The following UBAC2 variants were observed in gnomAD, a reference collection of about 807,000 sequenced individuals.
UBAC2 encodes the protein ubiquitin-associated domain-containing protein 2.
In UBAC2, 26 loss-of-function variants were observed where a neutral mutation model predicts 44.0. That is an observed-to-expected ratio of 0.59 (90% CI 0.43 to 0.82). The LOEUF (loss-of-function observed/expected upper bound fraction) is 0.82, where lower values mean the gene tolerates loss of function less well. UBAC2 is among the 40% of genes least tolerant of loss of function. UBAC2 has a pLI of 0.00. For synonymous variants in UBAC2, 155 were observed against 154.3 expected (o/e 1.00, Z -0.04); for missense variants, 329 against 419.4 (o/e 0.78, Z 1.88).
chr13:99,334,126 ATTC>A (rs1288452391), intron 6 of UBAC2, among the ~76,000 whole-genome samples: 1 of 151,706 alleles, frequency 6.6e-6, no homozygotes, highest in East Asian at 1.9e-4. Context: ...CTTTTTATTT[ATTC>A]TTATTTTTTT....
intron 4 of UBAC2, chr13:99,261,660 A>G (rs1594063956): frequency 6.6e-6 from 1 of 152,316 alleles, no homozygotes; most frequent in Non-Finnish European, 1.5e-5. Flanking sequence ...CTAACCATAT[A>G]TAAGTGATGG....
intron 4 of UBAC2, among the ~76,000 whole-genome samples, chr13:99,246,406 A>C (rs1244973500): frequency 6.6e-6 from 1 of 152,260 alleles, no homozygotes; most frequent in Non-Finnish European, 1.5e-5. Context: ...ACATTGACTC[A>C]GGAAAGCAGC....
chr13:99,313,279 C>T (rs9517679), intron 4 of UBAC2: 38,171 of 152,276 alleles, frequency 0.25, 5,982 homozygotes, highest in Non-Finnish European at 0.34. Context: ...ACACTACGCC[C>T]GGCCGGAAGG....
intron 7 of UBAC2, among the ~76,000 whole-genome samples, chr13:99,360,525 C>G (rs1476905156): frequency 6.6e-6 from 1 of 152,236 alleles, no homozygotes; most frequent in Non-Finnish European, 1.5e-5. Flanking sequence ...GCTCTAGAGA[C>G]TGTTCTTAAC....
chr13:99,385,135 CT>C (rs2045603656), intron 8 of UBAC2, 92 bp from the exon 9 acceptor site: 7 of 945,418 alleles, frequency 7.4e-6, no homozygotes, highest in African/African-American at 1.6e-5. Flanking sequence ...CAGTTTTGAC[CT>C]TTGCCACAAG....
intron 6 of UBAC2, among the ~76,000 whole-genome samples, chr13:99,321,748 C>A (rs750019559): frequency 2.6e-5 from 4 of 152,024 alleles, no homozygotes; most frequent in Non-Finnish European, 4.4e-5. Context: ...GTAAGTTGAC[C>A]ACTTTTTATC....
At chr13:99,238,652 C>T (rs2043267336) in intron 2 of UBAC2, 98 bp downstream of exon 2, 2 of 1,109,098 alleles carry the variant, frequency 1.8e-6, no homozygotes, top group African/African-American at 1.6e-5. Flanking sequence ...CCCTCAAAGC[C>T]CCCAATTTGT....
At position 99,237,263 on chromosome 13, in the gene UBAC2, T is replaced by TAC. The variant is rs753374485; in HGVS notation, c.32-1163_32-1162insCA. On this transcript the variant is annotated intron_variant, in intron 1 of 8. Transcript: ENST00000403766. Reference sequence around the variant, plus strand: ...AAAGAAAATTTTATGCGTATATATATATATATATACACACACACACACACA... The same window carrying TAC: ...AAAGAAAATTTTATGCGTATATATATACATATATATACACACACACACACACA... Among the ~76,000 whole-genome samples the TAC allele has an allele frequency of 9.4e-3, 855 of 90,502 alleles. 8 individuals are homozygous for TAC. Among genetic ancestry groups the TAC allele is most frequent in the Admixed American group, 0.027 (212 of 7,826 alleles). 59.4% of individuals were successfully genotyped at this position (90,502 alleles called of 152,430 possible).
chr13:99,316,955 A>C (rs1373668503), intron 5 of UBAC2, among the ~76,000 whole-genome samples: 1 of 152,238 alleles, frequency 6.6e-6, no homozygotes, highest in East Asian at 1.9e-4. Context: ...AAATTACAGC[A>C]AAATATTTGT....
chr13:99,322,157 T>C (rs1566502020), intron 6 of UBAC2, among the ~76,000 whole-genome samples: 1 of 152,240 alleles, frequency 6.6e-6, no homozygotes, highest in Non-Finnish European at 1.5e-5. Flanking sequence ...AGTGACCGTA[T>C]CAACTGTTCT....
chr13:99,222,790 A>G lies in UBAC2; in HGVS notation c.32-15637A>G, dbSNP rs189585940. The stretch of plus-strand genomic sequence containing the variant: ...GAATTTTGCATCTGTTAATACGTTC[A>G]TAAAGTATATTGGTCTATTTTTTGC... On this transcript the variant is annotated intron_variant, in intron 1 of 8. Coordinates refer to ENST00000403766, the MANE Select transcript of UBAC2 (RefSeq NM_001144072.2). Among the ~76,000 whole-genome samples the G allele has an allele frequency of 3.3e-3, 507 of 152,318 alleles. 3 individuals carry two copies. Among genetic ancestry groups the G allele is most frequent in the African/African-American group, 0.012 (485 of 41,566 alleles).
intron 4 of UBAC2, among the ~76,000 whole-genome samples, chr13:99,267,774 G>A (rs965858902): frequency 9.9e-5 from 15 of 152,176 alleles, no homozygotes; most frequent in Admixed American, 3.9e-4. Context: ...CCAAAATATA[G>A]TGTGTTTGCT....
chr13:99,352,736 C>G (rs1021211942), intron 7 of UBAC2, among the ~76,000 whole-genome samples: 1 of 152,216 alleles, frequency 6.6e-6, no homozygotes, highest in South Asian at 2.1e-4. Flanking sequence ...GCAGCACGAT[C>G]CCTCCTCTCC....
intron 4 of UBAC2, among the ~76,000 whole-genome samples, chr13:99,266,076 TG>T (rs1361249615): frequency 1.3e-5 from 2 of 152,156 alleles, no homozygotes; most frequent in Non-Finnish European, 2.9e-5. Context: ...AGATGATTAG[TG>T]GGTCTTGGAG....
At chr13:99,217,014 A>C (rs2043003973) in intron 1 of UBAC2, among the ~76,000 whole-genome samples, 1 of 151,870 alleles carries the variant, frequency 6.6e-6, no homozygotes, top group African/African-American at 2.4e-5. Context: ...TATTTTTAGT[A>C]GAAACGGGGT....
chr13:99,381,982 A>G lies in UBAC2; in HGVS notation c.928-3246A>G, dbSNP rs962744230. Among the ~76,000 whole-genome samples, 5 of 152,334 alleles carry G rather than the reference A, an allele frequency of 3.3e-5. No homozygotes were observed. The East Asian group carries it at 9.6e-4, about 29-fold the overall frequency. ...CAAGAGATCACCAAGACCTTTGACA[A>G]CATCTCATCAGCTTATGAGAGATGT... On this transcript the variant is annotated intron_variant, in intron 8 of 8. Coordinates refer to ENST00000403766, the MANE Select transcript of UBAC2 (RefSeq NM_001144072.2).
intron 1 of UBAC2, among the ~76,000 whole-genome samples, chr13:99,233,362 C>T (rs936223320): frequency 3.9e-5 from 6 of 152,160 alleles, no homozygotes; most frequent in Non-Finnish European, 5.9e-5. Flanking sequence ...CTGCTCTCCT[C>T]GGTCTCCCAA....
intron 4 of UBAC2, among the ~76,000 whole-genome samples, chr13:99,249,492 G>T (rs2043431581): frequency 2.0e-5 from 3 of 152,268 alleles, no homozygotes; most frequent in Admixed American, 6.5e-5. Flanking sequence ...AATAGTTCTG[G>T]AATGAACATG....
intron 6 of UBAC2, among the ~76,000 whole-genome samples, chr13:99,338,039 CTTT>C (rs747905404): frequency 5.5e-5 from 5 of 91,562 alleles, no homozygotes; most frequent in Non-Finnish European, 7.7e-5. Flanking sequence ...AACTTTTTTT[CTTT>C]TTTTCTTTTT....
Sources: gnomAD v4.1 joint callset for allele counts (sites outside exome capture counted in the v4.1 genomes callset) on GRCh38, gnomAD v4.1.1 for gene constraint, MANE v1.5 for transcripts, NCBI Gene and HGNC (gene_info 2026-07-23, HGNC 2026-07-21) for gene names.